The following PDCD1LG2 variants were observed in gnomAD, a reference collection of about 807,000 sequenced individuals.
PDCD1LG2 encodes B7 dendritic cell molecule.
A neutral mutation model predicts 28.2 loss-of-function variants in PDCD1LG2; 32 were observed. The ratio of observed to expected loss-of-function variants is 1.13; its 90% CI spans 0.86 to 1.52. The LOEUF (loss-of-function observed/expected upper bound fraction) is 1.52, where lower values mean the gene tolerates loss of function less well. PDCD1LG2 is among the 40% of genes most tolerant of loss of function. PDCD1LG2 has a pLI of 0.00. For missense variants in PDCD1LG2, 385 were observed against 323.8 expected (o/e 1.19, Z -1.45); for synonymous variants, 116 against 120.2 (o/e 0.97, Z 0.23).
chr9:5,566,427 T>C (rs2129960691), intron 6 of PDCD1LG2, among the ~76,000 whole-genome samples: 1 of 152,348 alleles, frequency 6.6e-6, no homozygotes, highest in South Asian at 2.1e-4. Context: ...TTAAGTGTGG[T>C]CATGTAACTC....
intron 3 of PDCD1LG2, among the ~76,000 whole-genome samples, chr9:5,548,070 A>G (rs1254064823): frequency 6.6e-6 from 1 of 152,098 alleles, no homozygotes; most frequent in East Asian, 1.9e-4. Context: ...TGCTTTTAGC[A>G]AATTTGAATA....
intron 4 of PDCD1LG2, among the ~76,000 whole-genome samples, chr9:5,552,971 G>C (rs540832614): frequency 5.9e-5 from 9 of 152,290 alleles, no homozygotes; most frequent in Non-Finnish European, 1.3e-4. Flanking sequence ...GCTGGGCATG[G>C]TGGTTCTTGT....
chr9:5,535,503 G>A (rs569944393), intron 3 of PDCD1LG2, among the ~76,000 whole-genome samples: 4 of 152,154 alleles, frequency 2.6e-5, no homozygotes, highest in South Asian at 2.1e-4. Flanking sequence ...CACGTTTCCC[G>A]CCCTTTAAAA....
In PDCD1LG2 at chr9:5,534,996, A is replaced by C. The variant is rs1321645007; in HGVS notation, c.307A>C (p.Ile103Leu). ...QVRDEGQYQC[I>L]IIYGVAWDYK... ...GAGGGACGAAGGACAGTACCAATGC[A>C]TAATCATCTATGGGGTCGCCTGGGA... The change falls in exon 3 of 7, where the codon ATA (isoleucine) becomes CTA (leucine). Residue 103 changes from isoleucine (I) to leucine (L), a missense_variant. Coordinates refer to ENST00000397747, the MANE Select transcript of PDCD1LG2 (RefSeq NM_025239.4). 3 of 1,614,082 alleles carry C rather than the reference A, an allele frequency of 1.9e-6. No individual in the cohort carries two copies. The South Asian group carries it at 3.3e-5, about 18-fold the overall frequency.
At chr9:5,532,610 G>A (rs1376459189) in intron 2 of PDCD1LG2, among the ~76,000 whole-genome samples, 2 of 152,160 alleles carry the variant, frequency 1.3e-5, no homozygotes, top group Non-Finnish European at 2.9e-5. Flanking sequence ...AGATTTGCAG[G>A]ATAGTGGGAA....
chr9:5,532,013 G>A lies in PDCD1LG2; in HGVS notation c.56-2732G>A, dbSNP rs749527646. ...CTTAATAACTCAAGTATTTAAGGAC[G>A]GCTTCCATCATAAAGGGATCTGCCC... On this transcript the variant is annotated intron_variant, in intron 2 of 6. Coordinates refer to ENST00000397747, the MANE Select transcript of PDCD1LG2 (RefSeq NM_025239.4). Among the ~76,000 whole-genome samples, 47 of 152,232 alleles carry A rather than the reference G, an allele frequency of 3.1e-4. 1 individual carries two copies. The highest frequency in any genetic ancestry group is 9.4e-4 in the African/African-American group (39 of 41,546).
At chr9:5,561,853 T>A (rs1485182144) in intron 5 of PDCD1LG2, among the ~76,000 whole-genome samples, 1 of 152,212 alleles carries the variant, frequency 6.6e-6, no homozygotes, top group Non-Finnish European at 1.5e-5. Flanking sequence ...TATGCTGGTT[T>A]ATGGTTACCT....
intron 4 of PDCD1LG2, among the ~76,000 whole-genome samples, chr9:5,554,087 T>G (rs577331723): frequency 4.0e-4 from 61 of 152,336 alleles, no homozygotes; most frequent in African/African-American, 1.3e-3. Flanking sequence ...TGAGACCTAC[T>G]ACCTGGACCA....
intron 5 of PDCD1LG2, among the ~76,000 whole-genome samples, chr9:5,558,544 A>T (rs376912625): frequency 6.6e-6 from 1 of 152,246 alleles, no homozygotes; most frequent in African/African-American, 2.4e-5. Context: ...ACATGGCCTC[A>T]TCTATAGAAA....
intron 4 of PDCD1LG2, among the ~76,000 whole-genome samples, chr9:5,550,364 C>G (rs895034568): frequency 2.0e-5 from 3 of 152,200 alleles, no homozygotes; most frequent in African/African-American, 4.8e-5. Flanking sequence ...CACCTAGTAT[C>G]ATAATCATTT....
In PDCD1LG2 at chr9:5,563,225, AT is replaced by A. The variant is rs1472968215; in HGVS notation, c.816+19del. The A allele has an allele frequency of 1.2e-6, 2 of 1,602,994 alleles. No homozygotes were observed. Among genetic ancestry groups the A allele is most frequent in the South Asian group, 2.2e-5 (2 of 90,090 alleles). On this transcript the variant is annotated intron_variant, in intron 6 of 6. Transcript: ENST00000397747. Reference sequence around the variant, plus strand: ...GTGAACAGTGCTGTGAGTAAGCATGATTTTTACTTTTCTTTCTTACTTTCTT... The same window carrying A: ...GTGAACAGTGCTGTGAGTAAGCATGATTTTACTTTTCTTTCTTACTTTCTT...
At chr9:5,520,608 C>T (rs1382778757) in intron 1 of PDCD1LG2, among the ~76,000 whole-genome samples, 1 of 151,960 alleles carries the variant, frequency 6.6e-6, no homozygotes, top group Non-Finnish European at 1.5e-5. Context: ...AGGTATTACA[C>T]CTAAAGCACA....
intron 6 of PDCD1LG2, among the ~76,000 whole-genome samples, chr9:5,563,971 C>G (rs545746250): frequency 1.3e-5 from 2 of 152,196 alleles, no homozygotes; most frequent in Non-Finnish European, 2.9e-5. Context: ...CTACAAAATA[C>G]TTTCACAGCA....
intron 3 of PDCD1LG2, among the ~76,000 whole-genome samples, chr9:5,545,742 C>T (rs1816190902): frequency 6.6e-6 from 1 of 152,104 alleles, no homozygotes; most frequent in South Asian, 2.1e-4. Context: ...AATAGAAAAT[C>T]TGAACAACAC....
In PDCD1LG2 at chr9:5,569,938, G is replaced by A. The variant is rs1195324607; in HGVS notation, c.817-16G>A. 1.2e-6 allele frequency: 2 copies of A among 1,613,178 alleles called. No individual in the cohort carries two copies. Among genetic ancestry groups the A allele is most frequent in the Non-Finnish European group, 1.7e-6 (2 of 1,179,380 alleles). ...ATAAAAAATGATTTTTCTTATTTGT[G>A]GGCTTTTCTCCCCAGATCTGAACCT... On this transcript the variant is annotated splice_polypyrimidine_tract_variant and intron_variant, in intron 6 of 6. Coordinates refer to ENST00000397747, the MANE Select transcript of PDCD1LG2 (RefSeq NM_025239.4). The surrounding 1 kb of genome is among the most constrained non-coding windows in gnomAD (Gnocchi z 4.1).
rs1012662701 is a variant in PDCD1LG2, at chr9:5,524,454, T to C, written c.55+1853T>C. On this transcript the variant is annotated intron_variant, in intron 2 of 6. Coordinates refer to ENST00000397747, the MANE Select transcript of PDCD1LG2 (RefSeq NM_025239.4). ...AGGAAAGTAAAAATGTAGCGCTTTC[T>C]CATTTTCTTCACGAATTTGGAATTC... Among the ~76,000 whole-genome samples the C allele has an allele frequency of 2.6e-5, 4 of 152,392 alleles. No homozygotes were observed. The South Asian group carries it at 8.3e-4, about 32-fold the overall frequency.
At chr9:5,511,518 A>C (rs1820057713) in intron 1 of PDCD1LG2, among the ~76,000 whole-genome samples, 1 of 152,184 alleles carries the variant, frequency 6.6e-6, no homozygotes, top group Non-Finnish European at 1.5e-5. Context: ...TTACCAACTA[A>C]TCAGGACTTT....
chr9:5,558,182 C>G (rs558801683), intron 5 of PDCD1LG2, among the ~76,000 whole-genome samples: 4 of 152,170 alleles, frequency 2.6e-5, no homozygotes, highest in Non-Finnish European at 5.9e-5. Flanking sequence ...CACCCCCTCT[C>G]CCAGGAATCT....
intron 3 of PDCD1LG2, 29 bp from the exon 4 acceptor site, chr9:5,549,306 C>A (rs2129873122): frequency 6.3e-7 from 1 of 1,582,256 alleles, no homozygotes; most frequent in Non-Finnish European, 8.6e-7. Flanking sequence ...AAAATAAAGT[C>A]TTATTTCTTT....
Sources: allele counts gnomAD v4.1 joint callset (sites outside exome capture counted in the v4.1 genomes callset), GRCh38; gene constraint gnomAD v4.1.1; non-coding constraint Gnocchi (gnomAD v3.1); transcripts MANE v1.5; gene names NCBI Gene and HGNC (gene_info 2026-07-23, HGNC 2026-07-21).